Variants in PCGF5 observed in about 807,000 individuals in gnomAD.
PCGF5 encodes polycomb group RING finger protein 5.
In PCGF5, 9 loss-of-function variants were observed where a neutral mutation model predicts 44.3. That is an observed-to-expected ratio of 0.20 (90% confidence interval 0.12 to 0.35). The LOEUF is 0.35. Among genes scored for constraint, PCGF5 ranks in the 10% least tolerant of loss-of-function variants. The pLI, the probability that PCGF5 is intolerant of heterozygous loss-of-function variation, is 1.00. For synonymous variants in PCGF5, 95 were observed against 102.5 expected, an observed-to-expected ratio of 0.93 and a Z score of 0.44; for missense variants, 146 against 305.3, an observed-to-expected ratio of 0.48 and a Z score of 3.89.
chr10:91,161,519 G>T (rs532939497), upstream of PCGF5, among the ~76,000 whole-genome samples: 1 of 152,250 alleles, frequency 6.6e-6, no homozygotes, highest in East Asian at 1.9e-4. Context: ...AAAATGACTG[G>T]GTTCATGTCT....
intron 6 of PCGF5, among the ~76,000 whole-genome samples, chr10:91,257,496 G>A (rs540075899): frequency 1.3e-5 from 2 of 152,014 alleles, no homozygotes; most frequent in African/African-American, 2.4e-5. Context: ...GACCCCCAGG[G>A]GATGTTGCAA....
At chr10:91,208,195 TGAAAA>T (rs1194978141) in intron 1 of PCGF5, among the ~76,000 whole-genome samples, 2 of 152,206 alleles carry the variant, frequency 1.3e-5, no homozygotes, top group Non-Finnish European at 2.9e-5. Flanking sequence ...GACATTCTCT[TGAAAA>T]GAAGGATTCT....
intron 1 of PCGF5, among the ~76,000 whole-genome samples, chr10:91,181,900 C>A (rs1843824721): frequency 6.6e-6 from 1 of 152,156 alleles, no homozygotes; most frequent in African/African-American, 2.4e-5. Context: ...AGGGAGGAGT[C>A]TCTCCTTTTC....
intron 1 of PCGF5, among the ~76,000 whole-genome samples, chr10:91,207,339 A>G (rs1007872520): frequency 6.6e-6 from 1 of 152,228 alleles, no homozygotes; most frequent in Non-Finnish European, 1.5e-5. Context: ...TTCAAAATCT[A>G]CAGAAAAGTT....
chr10:91,231,251 A>C (rs756016148), intron 2 of PCGF5, among the ~76,000 whole-genome samples: 2 of 152,178 alleles, frequency 1.3e-5, no homozygotes, highest in African/African-American at 4.8e-5. Flanking sequence ...TTCCAGATAC[A>C]ATTCTGGGCA....
At chr10:91,230,403 A>G (rs1844970890) in intron 2 of PCGF5, among the ~76,000 whole-genome samples, 1 of 152,162 alleles carries the variant, frequency 6.6e-6, no homozygotes. Flanking sequence ...GATAATTTTC[A>G]TTTGGGTACT....
intron 1 of PCGF5, among the ~76,000 whole-genome samples, chr10:91,194,344 G>T (rs747751957): frequency 9.9e-5 from 15 of 152,176 alleles, no homozygotes; most frequent in Non-Finnish European, 2.1e-4. Flanking sequence ...GTGGTCAGAG[G>T]CTGAGGTGAC....
At chr10:91,165,456 G>C (rs1843482493) in intron 1 of PCGF5, among the ~76,000 whole-genome samples, 1 of 152,152 alleles carries the variant, frequency 6.6e-6, no homozygotes, top group Admixed American at 6.5e-5. Flanking sequence ...CTGAAGTTTA[G>C]CTGCAGTTTG....
At chr10:91,172,285 G>T (rs745446251) in intron 1 of PCGF5, among the ~76,000 whole-genome samples, 3 of 152,152 alleles carry the variant, frequency 2.0e-5, no homozygotes, top group Non-Finnish European at 4.4e-5. Context: ...TGGGCGTGGT[G>T]GCATGTGCCT....
intron 1 of PCGF5, among the ~76,000 whole-genome samples, chr10:91,211,374 C>T (rs1216402357): frequency 6.6e-6 from 1 of 152,174 alleles, no homozygotes. Flanking sequence ...AGTGTTTCTC[C>T]ATGACAGTGT....
intron 6 of PCGF5, among the ~76,000 whole-genome samples, chr10:91,255,780 G>A (rs1361729108): frequency 6.6e-6 from 1 of 151,962 alleles, no homozygotes; most frequent in Non-Finnish European, 1.5e-5. Context: ...AAATACAGTG[G>A]TCCCTCAGTA....
Position 91,283,418 on chromosome 10 carries a change from A to G in PCGF5, c.*5102A>G, listed in dbSNP as rs1243482967. ...AAATCTAGAATCAAGTGAAACAGAT[A>G]TGTTAAATACTGAGTCTAGTTTTCT... On this transcript the variant is annotated 3_prime_UTR_variant, in exon 10 of 10. Transcript: ENST00000336126. 1.3e-5 allele frequency: 2 copies of G among 152,214 alleles called. No individual in the cohort carries two copies. The highest frequency in any genetic ancestry group is 6.5e-5 in the Admixed American group (1 of 15,276). 9.4% of individuals were successfully genotyped at this position (152,214 alleles called of 1,614,324 possible).
chr10:91,178,199 A>T (rs1460705840), intron 1 of PCGF5, among the ~76,000 whole-genome samples: 1 of 152,222 alleles, frequency 6.6e-6, no homozygotes, highest in Non-Finnish European at 1.5e-5. Flanking sequence ...GGAAAAAAAT[A>T]AGTTAGTGTA....
chr10:91,207,742 A>G (rs1844373056), intron 1 of PCGF5, among the ~76,000 whole-genome samples: 1 of 152,190 alleles, frequency 6.6e-6, no homozygotes. Context: ...CAAAAAGTGT[A>G]GGCCATTTGT....
chr10:91,242,277 G>A (rs373155095), intron 3 of PCGF5, among the ~76,000 whole-genome samples: 15 of 151,364 alleles, frequency 9.9e-5, no homozygotes, highest in Admixed American at 3.9e-4. Flanking sequence ...CAGTAGTACT[G>A]CAGTAAGGAA....
intron 1 of PCGF5, among the ~76,000 whole-genome samples, chr10:91,183,533 T>A (rs1204328636): frequency 6.6e-6 from 1 of 152,142 alleles, no homozygotes; most frequent in East Asian, 1.9e-4. Flanking sequence ...TGCCATTCTG[T>A]GTCTTTTAAT....
At chr10:91,225,470 A>G (rs1345749081) in intron 2 of PCGF5, among the ~76,000 whole-genome samples, 1 of 151,522 alleles carries the variant, frequency 6.6e-6, no homozygotes, top group African/African-American at 2.4e-5. Context: ...TTTAAATACA[A>G]TGGTAAGTCC....
In PCGF5 at chr10:91,279,497, A is replaced by G. The variant is rs1042462176; in HGVS notation, c.*1181A>G. 11 of 152,302 alleles carry G rather than the reference A, an allele frequency of 7.2e-5. No homozygotes were observed. The highest frequency in any genetic ancestry group is 2.2e-4 in the African/African-American group (9 of 41,590). 9.4% of individuals were successfully genotyped at this position (152,302 alleles called of 1,614,324 possible). A position where few individuals can be genotyped will look rare whatever the true frequency, so the allele number is the denominator to read the frequency against. On this transcript the variant is annotated 3_prime_UTR_variant, in exon 10 of 10. Coordinates refer to ENST00000336126, the MANE Select transcript of PCGF5 (RefSeq NM_032373.5). ...TTATTATTTTATACATGAGTTCATTAAGATCAGAAATACAAAATGTCCTGT... is the reference window on the plus strand; with the variant it reads ...TTATTATTTTATACATGAGTTCATTGAGATCAGAAATACAAAATGTCCTGT...
chr10:91,261,775 C>G (rs932248251), intron 7 of PCGF5, among the ~76,000 whole-genome samples: 7 of 152,184 alleles, frequency 4.6e-5, no homozygotes, highest in Admixed American at 4.6e-4. Flanking sequence ...TCCATTATTA[C>G]CAATTCTTTA....
Sources: allele counts gnomAD v4.1 joint callset (sites outside exome capture counted in the v4.1 genomes callset), GRCh38; gene constraint gnomAD v4.1.1; transcripts MANE v1.5; gene names NCBI Gene and HGNC (gene_info 2026-07-23, HGNC 2026-07-21).